Variants in CAMK4 observed in about 807,000 individuals in gnomAD.
The protein encoded by CAMK4 is calcium/calmodulin dependent protein kinase IV.
In CAMK4, 22 loss-of-function variants were observed where a neutral mutation model predicts 44.9. That is an observed-to-expected ratio of 0.49 (90% confidence interval 0.35 to 0.70). The LOEUF (loss-of-function observed/expected upper bound fraction) is 0.70, where lower values mean the gene tolerates loss of function less well. CAMK4 is among the 30% of genes least tolerant of loss of function. The probability of loss-of-function intolerance (pLI) is 0.01; values close to 1 mark genes in which losing one functional copy is unlikely to be tolerated. For synonymous variants in CAMK4, 218 were observed against 215.4 expected, an observed-to-expected ratio of 1.01 and a Z score of -0.11; for missense variants, 498 against 586.8, an observed-to-expected ratio of 0.85 and a Z score of 1.56.
At chr5:111,320,706 A>G (rs1580584979) in intron 1 of CAMK4, among the ~76,000 whole-genome samples, 1 of 151,980 alleles carries the variant, frequency 6.6e-6, no homozygotes, top group Non-Finnish European at 1.5e-5. Context: ...GGGTTTCACC[A>G]TGTTGGTCAG....
In CAMK4 at chr5:111,451,337, A is replaced by AAT. The variant is rs542390687; in HGVS notation, c.625+2145_625+2146dup. 6.9e-3 allele frequency among the ~76,000 whole-genome samples: 1,043 copies of AAT among 152,080 alleles called. 8 individuals carry two copies. Among genetic ancestry groups the AAT allele is most frequent in the African/African-American group, 0.024 (980 of 41,500 alleles). ...GCTTTTATTTTAAAATCTTCATTTTAATATATATATATTTTTTGAGACAGA... is the reference window on the plus strand; with the variant it reads ...GCTTTTATTTTAAAATCTTCATTTTAATATATATATATATTTTTTGAGACAGA... On this transcript the variant is annotated intron_variant, in intron 7 of 10. Transcript: ENST00000282356.
intron 1 of CAMK4, among the ~76,000 whole-genome samples, chr5:111,312,748 A>T (rs893976897): frequency 6.6e-6 from 1 of 152,140 alleles, no homozygotes; most frequent in African/African-American, 2.4e-5. Flanking sequence ...TAAAATACAG[A>T]GTAGGAATGA....
intron 7 of CAMK4, among the ~76,000 whole-genome samples, chr5:111,466,727 C>T (rs1754848147): frequency 6.6e-6 from 1 of 152,142 alleles, no homozygotes; most frequent in African/African-American, 2.4e-5. Flanking sequence ...GTCCCATGCT[C>T]ATGGATGAGT....
At chr5:111,445,253 A>G (rs544589685) in intron 5 of CAMK4, among the ~76,000 whole-genome samples, 7 of 152,346 alleles carry the variant, frequency 4.6e-5, no homozygotes, top group East Asian at 3.9e-4. Flanking sequence ...CAAGAATTCA[A>G]TAGAATACAC....
At chr5:111,375,000 A>AG in intron 3 of CAMK4, 88 bp downstream of exon 3, 1 of 779,882 alleles carries the variant, frequency 1.3e-6, no homozygotes, top group Non-Finnish European at 2.1e-6. Context: ...TGATAATGAG[A>AG]AGGGATTCTC....
intron 2 of CAMK4, among the ~76,000 whole-genome samples, chr5:111,371,749 T>A (rs1751013105): frequency 1.3e-5 from 2 of 152,228 alleles, no homozygotes; most frequent in South Asian, 4.1e-4. Flanking sequence ...GTTATGATTC[T>A]CTTCTGCCTC....
intron 1 of CAMK4, among the ~76,000 whole-genome samples, chr5:111,279,072 G>A (rs1414976344): frequency 6.6e-6 from 1 of 152,154 alleles, no homozygotes; most frequent in African/African-American, 2.4e-5. Context: ...TTGGAATTTT[G>A]CAACACAGGG....
intron 2 of CAMK4, among the ~76,000 whole-genome samples, chr5:111,367,471 G>C (rs892176804): frequency 2.2e-4 from 33 of 152,030 alleles, no homozygotes; most frequent in Non-Finnish European, 3.5e-4. Flanking sequence ...CCTAGTAACA[G>C]ATAAAAACTC....
chr5:111,329,899 A>G (rs1417133563), intron 1 of CAMK4, among the ~76,000 whole-genome samples: 1 of 151,790 alleles, frequency 6.6e-6, no homozygotes, highest in Non-Finnish European at 1.5e-5. Context: ...TTTATTGATG[A>G]AAAACTGAAT....
At chr5:111,391,464 C>A (rs1008929199) in intron 4 of CAMK4, among the ~76,000 whole-genome samples, 1 of 150,918 alleles carries the variant, frequency 6.6e-6, no homozygotes, top group Non-Finnish European at 1.5e-5. Context: ...AGAGGACAGA[C>A]AATAAGGAGC....
chr5:111,424,390 A>G (rs1351306761), intron 5 of CAMK4, among the ~76,000 whole-genome samples: 1 of 151,108 alleles, frequency 6.6e-6, no homozygotes, highest in African/African-American at 2.4e-5. Context: ...TTGTAAAATT[A>G]AATGTCTCCA....
chr5:111,478,365 T>C lies in CAMK4; in HGVS notation c.702-16T>C, dbSNP rs746589891. On this transcript the variant is annotated splice_polypyrimidine_tract_variant and intron_variant, in intron 8 of 10. Coordinates refer to ENST00000282356, the MANE Select transcript of CAMK4 (RefSeq NM_001744.6). The stretch of plus-strand genomic sequence containing the variant: ...GCTTTTAAAGACATTTTATTCTCTA[T>C]ATTTTATTCCTCTAGACTTTGTGGA... 3.0e-5 allele frequency: 45 copies of C among 1,484,820 alleles called. No homozygotes were observed. The Admixed American group carries it at 8.4e-4, about 28-fold the overall frequency. The allele number at this position is 1,484,820 out of a possible 1,614,324, so 92.0% of individuals were successfully genotyped here.
At chr5:111,274,298 A>T (rs536250241) in intron 1 of CAMK4, among the ~76,000 whole-genome samples, 98 of 151,882 alleles carry the variant, frequency 6.5e-4, no homozygotes, top group Non-Finnish European at 1.1e-3. Context: ...TTTTCTTTAT[A>T]TTTATCACTA....
chr5:111,350,481 G>C (rs142241188), intron 2 of CAMK4, among the ~76,000 whole-genome samples: 1 of 151,766 alleles, frequency 6.6e-6, no homozygotes, highest in Non-Finnish European at 1.5e-5. Context: ...AATGTAATGT[G>C]GCACACAATA....
chr5:111,279,952 A>G (rs1750938187), intron 1 of CAMK4, among the ~76,000 whole-genome samples: 1 of 152,206 alleles, frequency 6.6e-6, no homozygotes, highest in Non-Finnish European at 1.5e-5. Context: ...GGGCGAATTG[A>G]GGGACATGGT....
chr5:111,399,727 A>G (rs1288708845), intron 5 of CAMK4, among the ~76,000 whole-genome samples: 9 of 152,194 alleles, frequency 5.9e-5, no homozygotes, highest in African/African-American at 2.2e-4. Flanking sequence ...ACTTTTGTGA[A>G]TGAGATTCTT....
intron 2 of CAMK4, among the ~76,000 whole-genome samples, chr5:111,352,371 A>G (rs1350975803): frequency 1.3e-5 from 2 of 151,910 alleles, no homozygotes; most frequent in Non-Finnish European, 2.9e-5. Flanking sequence ...CACAAATGGC[A>G]AAATATTTGG....
intron 1 of CAMK4, among the ~76,000 whole-genome samples, chr5:111,283,456 G>A (rs559954558): frequency 1.1e-4 from 17 of 152,244 alleles, no homozygotes; most frequent in East Asian, 1.9e-4. Context: ...ACTCTGTGCC[G>A]TCAAAAGTAT....
rs3066731 is a variant in CAMK4 at position 111,461,813 on chromosome 5, TAAAAA to T, written c.626-11479_626-11475del. Among the ~76,000 whole-genome samples the T allele has an allele frequency of 7.2e-5, 5 of 69,170 alleles. 1 individual carries two copies. The highest frequency in any genetic ancestry group is 3.8e-4 in the Admixed American group (2 of 5,280). The allele number at this position is 69,170 out of a possible 152,430, so 45.4% of individuals were successfully genotyped here. A position where few individuals can be genotyped will look rare whatever the true frequency, so the allele number is the denominator to read the frequency against. On this transcript the variant is annotated intron_variant, in intron 7 of 10. Coordinates refer to ENST00000282356, the MANE Select transcript of CAMK4 (RefSeq NM_001744.6). ...CTGAATTCAAAACAAGCCTCTATAGTAAAAAAAAAAAAAAAAAAAAAAATCCCAGC... is the reference window on the plus strand; with the variant it reads ...CTGAATTCAAAACAAGCCTCTATAGTAAAAAAAAAAAAAAAAAATCCCAGC...
Sources: allele counts gnomAD v4.1 joint callset (sites outside exome capture counted in the v4.1 genomes callset), GRCh38; gene constraint gnomAD v4.1.1; transcripts MANE v1.5; gene names NCBI Gene and HGNC (gene_info 2026-07-23, HGNC 2026-07-21).